COL22A1: variants seen among roughly 807,000 people sequenced by gnomAD.
COL22A1 encodes the protein collagen type XXII alpha 1 chain.
Under a neutral mutation model 248.9 loss-of-function variants are expected in COL22A1, and 221 were observed. That is an observed-to-expected ratio of 0.89 (90% CI 0.80 to 0.99). The LOEUF is 0.99. Ranked by LOEUF, COL22A1 falls within the 50% of genes least tolerant of loss-of-function variation. COL22A1 has a pLI of 0.00. For synonymous variants in COL22A1, 891 were observed against 793.4 expected (o/e 1.12, Z -2.07); for missense variants, 2,240 against 2,179.0 (o/e 1.03, Z -0.56).
Position 138,663,690 on chromosome 8 carries a change from T to G in COL22A1, c.3186+15A>C. On this transcript the variant is annotated intron_variant, in intron 42 of 64. Transcript: ENST00000303045. ...TCCCATAGAAACTCATCCCTTTATT[T>G]AAAGCATACTGTACCGGGGATCCTT... 6.3e-7 allele frequency: 1 copy of G among 1,596,568 alleles called. No individual in the cohort carries two copies. The highest frequency in any genetic ancestry group is 1.1e-5 in the South Asian group (1 of 90,658).
At chr8:138,851,679 C>A (rs896969093) in intron 3 of COL22A1, among the ~76,000 whole-genome samples, 1 of 152,164 alleles carries the variant, frequency 6.6e-6, no homozygotes, top group Non-Finnish European at 1.5e-5. Flanking sequence ...GCAAGGGGAG[C>A]TCAGGGGCAG....
intron 21 of COL22A1, among the ~76,000 whole-genome samples, chr8:138,752,393 G>A (rs561743491): frequency 5.9e-5 from 9 of 152,182 alleles, no homozygotes; most frequent in East Asian, 3.8e-4. Context: ...TAAATTTTGC[G>A]TAACTGTACG....
intron 16 of COL22A1, among the ~76,000 whole-genome samples, chr8:138,770,831 G>A (rs914314068): frequency 6.6e-6 from 1 of 152,280 alleles, no homozygotes; most frequent in East Asian, 1.9e-4. Flanking sequence ...GCAGTGCAAA[G>A]CTGACCTTCA....
At chr8:138,674,296 C>T (rs74341163) in intron 41 of COL22A1, among the ~76,000 whole-genome samples, 6,475 of 152,268 alleles carry the variant, frequency 0.043, 225 homozygotes, top group South Asian at 0.16. Flanking sequence ...TGTAACGAGG[C>T]AACTGCATCC....
At chr8:138,781,759 A>G (rs148603021) in intron 12 of COL22A1, among the ~76,000 whole-genome samples, 126 of 152,102 alleles carry the variant, frequency 8.3e-4, no homozygotes, top group Non-Finnish European at 1.4e-3. Context: ...CTTGGTGCCA[A>G]TCAAAGGATC....
At chr8:138,615,863 C>T in intron 55 of COL22A1, 138 bp downstream of exon 55, 1 of 648,680 alleles carries the variant, frequency 1.5e-6, no homozygotes, top group Non-Finnish European at 2.7e-6. Context: ...TCATCCTTGC[C>T]AACCAATCCT....
At chr8:138,790,836 AT>A (rs554969387) in intron 12 of COL22A1, among the ~76,000 whole-genome samples, 10 of 151,850 alleles carry the variant, frequency 6.6e-5, no homozygotes, top group Non-Finnish European at 1.2e-4. Flanking sequence ...GGTCAGAGTG[AT>A]TTTTTTTAAA....
chr8:138,789,544 T>C (rs529121800), intron 12 of COL22A1, among the ~76,000 whole-genome samples: 1 of 152,244 alleles, frequency 6.6e-6, no homozygotes, highest in African/African-American at 2.4e-5. Flanking sequence ...TAAAGACAAA[T>C]GTATAATTTA....
intron 1 of COL22A1, among the ~76,000 whole-genome samples, chr8:138,887,980 G>A (rs993574810): frequency 4.6e-5 from 7 of 152,168 alleles, no homozygotes; most frequent in Admixed American, 4.6e-4. Context: ...TTTGTTCCAT[G>A]AGGCTTATTA....
At chr8:138,833,461 G>C (rs1820203553) in intron 4 of COL22A1, among the ~76,000 whole-genome samples, 1 of 152,212 alleles carries the variant, frequency 6.6e-6, no homozygotes, top group South Asian at 2.1e-4. Flanking sequence ...AGGGCCGCAG[G>C]GTCTTGGTGT....
At chr8:138,592,694 AC>A (rs1435224978) in intron 63 of COL22A1, among the ~76,000 whole-genome samples, 1 of 152,024 alleles carries the variant, frequency 6.6e-6, no homozygotes, top group African/African-American at 2.4e-5. Flanking sequence ...AGCTAAAATG[AC>A]ACCACATGCT....
intron 32 of COL22A1, among the ~76,000 whole-genome samples, chr8:138,696,649 C>T (rs891573281): frequency 6.6e-6 from 1 of 152,244 alleles, no homozygotes; most frequent in Non-Finnish European, 1.5e-5. Flanking sequence ...GTCTTCCTCA[C>T]TCAGCATCAC....
chr8:138,719,408 T>A (rs754001531), intron 27 of COL22A1, among the ~76,000 whole-genome samples: 21 of 152,170 alleles, frequency 1.4e-4, no homozygotes, highest in Non-Finnish European at 2.9e-4. Flanking sequence ...ACTGGTACAT[T>A]CATGGGGGCC....
chr8:138,803,073 C>G (rs1447440148), intron 10 of COL22A1, 139 bp from the exon 11 acceptor site: 1 of 716,804 alleles, frequency 1.4e-6, no homozygotes, highest in Non-Finnish European at 2.6e-6. Context: ...GCAACGAGGC[C>G]ACATGTCCCA....
chr8:138,726,140 C>T (rs922779998), intron 23 of COL22A1, among the ~76,000 whole-genome samples: 7 of 151,954 alleles, frequency 4.6e-5, no homozygotes, highest in Admixed American at 3.9e-4. Flanking sequence ...CGTTTCCAAG[C>T]TCCTGTCTTG....
intron 48 of COL22A1, 101 bp downstream of exon 48, chr8:138,636,641 G>T (rs1821202906): frequency 1.2e-6 from 1 of 869,322 alleles, no homozygotes; most frequent in East Asian, 2.5e-5. Flanking sequence ...CCTGCTACAG[G>T]CAAAGAAGAG....
chr8:138,813,519 T>C (rs1428664764), intron 7 of COL22A1, among the ~76,000 whole-genome samples: 3 of 152,206 alleles, frequency 2.0e-5, no homozygotes, highest in Non-Finnish European at 4.4e-5. Context: ...TCTCTTTCCT[T>C]TATAAATTAC....
intron 17 of COL22A1, 23 bp downstream of exon 17, chr8:138,762,390 C>T (rs1335914772): frequency 1.2e-6 from 2 of 1,613,446 alleles, no homozygotes; most frequent in Non-Finnish European, 1.7e-6. Flanking sequence ...AAACCTAGCC[C>T]AACAGCGCCA....
At position 138,878,158 on chromosome 8, in the gene COL22A1, C is replaced by G; in HGVS notation, c.250G>C (p.Asp84His). ...AACTCGAAGGCCGTGGTGGGCCGGT[C>G]GCTGTAGCGCACGACCCCCACACGG... ...RTRVGVVRYSDRPTTAFELGL... is the reference protein window; with the variant it reads ...RTRVGVVRYSHRPTTAFELGL... Residue 84 changes from aspartate (D) to histidine (H), a missense_variant, in exon 3 of 65, where the codon GAC (aspartate) becomes CAC (histidine). By Grantham distance (81) the Asp-to-His change is moderately conservative (BLOSUM62 -1). Transcript: ENST00000303045. 2 of 1,605,080 alleles carry G rather than the reference C, an allele frequency of 1.2e-6. No homozygotes were observed. Among genetic ancestry groups the G allele is most frequent in the Non-Finnish European group, 1.7e-6 (2 of 1,176,558 alleles).
Sources: gnomAD v4.1 joint callset for allele counts (sites outside exome capture counted in the v4.1 genomes callset) on GRCh38, gnomAD v4.1.1 for gene constraint, MANE v1.5 for transcripts, NCBI Gene and HGNC (gene_info 2026-07-23, HGNC 2026-07-21) for gene names.